Variants in RYR2 observed in about 807,000 individuals in gnomAD.
RYR2 encodes ryanodine receptor 2.
Under a neutral mutation model 601.1 loss-of-function variants are expected in RYR2, and 227 were observed. The ratio of observed to expected loss-of-function variants is 0.38; its 90% confidence interval spans 0.34 to 0.42. The LOEUF is 0.42. Ranked by LOEUF, RYR2 falls within the 10% of genes least tolerant of loss-of-function variation. RYR2 has a pLI of 1.00. For missense variants in RYR2, 4,646 were observed against 6,156.5 expected, an observed-to-expected ratio of 0.75 and a Z score of 8.21; for synonymous variants, 2,223 against 2,175.1, an observed-to-expected ratio of 1.02 and a Z score of -0.61.
At position 237,717,364 on chromosome 1, in the gene RYR2, G is replaced by C; in HGVS notation, c.10490G>C (p.Ser3497Thr). Residue 3497 changes from serine (S) to threonine (T), a missense_variant, in exon 72 of 105, where the codon AGC (serine) becomes ACC (threonine). This residue lies in a region of RYR2 where 1,497 missense variants were observed against 1,842.6 expected (regional missense o/e 0.81). Transcript: ENST00000366574. ...ATTGCTCTGGCCAAAAATCGATTTAGCCTGGTAAGTCTCCTTTTCATCCCA... is the reference window on the plus strand; with the variant it reads ...ATTGCTCTGGCCAAAAATCGATTTACCCTGGTAAGTCTCCTTTTCATCCCA... ...ELIALAKNRFSLKDTEDEVRD... is the reference protein window; with the variant it reads ...ELIALAKNRFTLKDTEDEVRD... The C allele has an allele frequency of 6.2e-7, 1 of 1,601,264 alleles. No individual in the cohort carries two copies. Among genetic ancestry groups the C allele is most frequent in the African/African-American group, 1.3e-5 (1 of 74,600 alleles).
At chr1:237,138,961 G>C (rs530009093) in intron 1 of RYR2, among the ~76,000 whole-genome samples, 1 of 152,084 alleles carries the variant, frequency 6.6e-6, no homozygotes, top group Non-Finnish European at 1.5e-5. Flanking sequence ...TAGCTGCCAC[G>C]GAAAACAGAC....
At chr1:237,744,346 G>GT (rs1321901469) in intron 80 of RYR2, among the ~76,000 whole-genome samples, 1 of 96,952 alleles carries the variant, frequency 1.0e-5, no homozygotes, top group Non-Finnish European at 2.5e-5. Flanking sequence ...TTGTTTGTTT[G>GT]TTTAAAAAAA....
chr1:237,187,632 C>T (rs1331930860), intron 1 of RYR2, among the ~76,000 whole-genome samples: 3 of 151,290 alleles, frequency 2.0e-5, no homozygotes, highest in Non-Finnish European at 2.9e-5. Flanking sequence ...TTTGTAGATA[C>T]GGTGTCTCAC....
chr1:237,613,752 G>A (rs1278123755), intron 36 of RYR2, among the ~76,000 whole-genome samples: 1 of 152,142 alleles, frequency 6.6e-6, no homozygotes, highest in Non-Finnish European at 1.5e-5. Context: ...GAAACATTTT[G>A]AGCACCAACA....
At chr1:237,582,422 A>T (rs1297703375) in intron 29 of RYR2, among the ~76,000 whole-genome samples, 7 of 151,310 alleles carry the variant, frequency 4.6e-5, no homozygotes, top group Middle Eastern at 3.4e-3. Flanking sequence ...CATTCTTTAA[A>T]AAAAAAAAAA....
chr1:237,713,732 G>GATAT, intron 71 of RYR2, among the ~76,000 whole-genome samples: 1 of 152,232 alleles, frequency 6.6e-6, no homozygotes, highest in South Asian at 2.1e-4. Context: ...TAGATAGATA[G>GATAT]ATAGGTAGAT....
intron 1 of RYR2, among the ~76,000 whole-genome samples, chr1:237,082,524 C>CATATATATATAT (rs71561856): frequency 0.079 from 6,266 of 79,256 alleles, 521 homozygotes; most frequent in Non-Finnish European, 0.11. Flanking sequence ...AATAGGAAAA[C>CATATATATATAT]ATATATATAT....
chr1:237,136,684 T>C (rs1056262059), intron 1 of RYR2, among the ~76,000 whole-genome samples: 3 of 152,098 alleles, frequency 2.0e-5, no homozygotes, highest in Non-Finnish European at 4.4e-5. Context: ...AAGTTATGTT[T>C]CTTAGTACAT....
chr1:237,312,481 C>A (rs192821333), intron 2 of RYR2, among the ~76,000 whole-genome samples: 1 of 152,108 alleles, frequency 6.6e-6, no homozygotes, highest in African/African-American at 2.4e-5. Flanking sequence ...CTTTTTATAG[C>A]GTACTCCCTT....
chr1:237,295,146 T>C (rs894295648), intron 2 of RYR2, among the ~76,000 whole-genome samples: 2 of 151,972 alleles, frequency 1.3e-5, no homozygotes, highest in Admixed American at 1.3e-4. Flanking sequence ...AGCCTAGGAA[T>C]TTGAGAATTT....
intron 3 of RYR2, among the ~76,000 whole-genome samples, chr1:237,355,111 A>G (rs1330151813): frequency 6.6e-6 from 1 of 152,056 alleles, no homozygotes; most frequent in Non-Finnish European, 1.5e-5. Context: ...TGAGTTTTCT[A>G]AGGAAAAAAA....
At chr1:237,394,561 A>G (rs1158166875) in intron 10 of RYR2, among the ~76,000 whole-genome samples, 2 of 152,240 alleles carry the variant, frequency 1.3e-5, no homozygotes, top group Admixed American at 6.5e-5. Flanking sequence ...CAAAGGTACC[A>G]GCAGCAGAAA....
intron 25 of RYR2, among the ~76,000 whole-genome samples, chr1:237,533,393 A>G (rs1391620030): frequency 6.6e-6 from 1 of 152,154 alleles, no homozygotes. Context: ...TTGGTACCCA[A>G]CAGTTCCACT....
intron 1 of RYR2, among the ~76,000 whole-genome samples, chr1:237,083,966 A>G (rs59173404): frequency 0.26 from 38,935 of 152,092 alleles, 5,422 homozygotes; most frequent in African/African-American, 0.37. Context: ...CACGTGGCAT[A>G]TGGCTACCAT....
At chr1:237,417,813 T>C (rs1429368109) in intron 11 of RYR2, among the ~76,000 whole-genome samples, 1 of 152,152 alleles carries the variant, frequency 6.6e-6, no homozygotes, top group African/African-American at 2.4e-5. Context: ...TTGAACTATT[T>C]TAAGTAGAAT....
chr1:237,237,220 A>G (rs1685637863), intron 1 of RYR2, among the ~76,000 whole-genome samples: 2 of 152,180 alleles, frequency 1.3e-5, no homozygotes, highest in African/African-American at 2.4e-5. Flanking sequence ...ATATTTCTTT[A>G]TAGTGGTGTG....
intron 2 of RYR2, among the ~76,000 whole-genome samples, chr1:237,297,126 C>A (rs951022221): frequency 3.3e-5 from 5 of 151,934 alleles, no homozygotes; most frequent in Non-Finnish European, 4.4e-5. Context: ...GCCAAAAAAG[C>A]AAACGATAAA....
intron 15 of RYR2, among the ~76,000 whole-genome samples, chr1:237,455,967 A>T (rs1658765374): frequency 6.6e-6 from 1 of 152,160 alleles, no homozygotes; most frequent in African/African-American, 2.4e-5. Flanking sequence ...GACAATCTGG[A>T]TGGGGACTTG....
intron 2 of RYR2, among the ~76,000 whole-genome samples, chr1:237,290,656 A>G (rs1410579950): frequency 6.6e-6 from 1 of 152,206 alleles, no homozygotes; most frequent in Non-Finnish European, 1.5e-5. Context: ...AACAAATAAA[A>G]CAGAGCAACA....
Sources: gnomAD v4.1 joint callset for allele counts (sites outside exome capture counted in the v4.1 genomes callset) on GRCh38, gnomAD v4.1.1 for gene constraint, gnomAD v4.1.1 regional missense constraint, MANE v1.5 for transcripts, NCBI Gene and HGNC (gene_info 2026-07-23, HGNC 2026-07-21) for gene names.